LMF1: variants seen among roughly 807,000 people sequenced by gnomAD.
The protein encoded by LMF1 is transmembrane protein 112.
Under a neutral mutation model 60.6 loss-of-function variants are expected in LMF1, and 68 were observed. The observed-to-expected ratio is 1.12, with a 90% CI of 0.92 to 1.37. The LOEUF is 1.37. LMF1 is among the 40% of genes most tolerant of loss of function. LMF1 has a pLI of 0.00. For synonymous variants in LMF1, 418 were observed against 324.7 expected (o/e 1.29, Z -3.09); for missense variants, 948 against 767.2 (o/e 1.24, Z -2.78).
Position 898,730 on chromosome 16 carries a change from C to T in LMF1, c.664-5658G>A, listed in dbSNP as rs1474721500. On this transcript the variant is annotated intron_variant, in intron 4 of 10. Transcript: ENST00000262301. ...GCTGTAGACTCTCAGCCGCCTATCT[C>T]TCTGACGGGATTGGTTTGCCTTCCA... is the stretch of plus-strand genomic sequence containing the variant. Among the ~76,000 whole-genome samples, 3 of 152,390 alleles carry T rather than the reference C, an allele frequency of 2.0e-5. No homozygotes were observed. The East Asian group carries it at 5.8e-4, about 29-fold the overall frequency.
rs372806459 is a variant in LMF1, at chr16:879,779, G to A, written c.730-42C>T. 54 of 1,539,316 alleles carry A rather than the reference G, an allele frequency of 3.5e-5. No homozygotes were observed. The African/African-American group carries it at 4.2e-4, about 12-fold the overall frequency. ...GGCCGTGAGGTGCCTGGCCGATCTC[G>A]GGGGGCGGGGCTAGGGAGAGGCTTG... On this transcript the variant is annotated intron_variant, in intron 5 of 10. Coordinates refer to ENST00000262301, the MANE Select transcript of LMF1 (RefSeq NM_022773.4).
chr16:939,974 T>G (rs1029304796), intron 2 of LMF1, among the ~76,000 whole-genome samples: 2 of 151,940 alleles, frequency 1.3e-5, no homozygotes, highest in Non-Finnish European at 2.9e-5. Context: ...GATCTCGAGG[T>G]GAGGGCGTCC....
At chr16:950,070 C>G (rs1459299342) in intron 2 of LMF1, among the ~76,000 whole-genome samples, 1 of 102,006 alleles carries the variant, frequency 9.8e-6, no homozygotes. Context: ...CAGCCAACGA[C>G]AGAGTCAGAG....
At chr16:856,102 C>A in intron 10 of LMF1, 1 of 379,854 alleles carries the variant, frequency 2.6e-6, no homozygotes. Context: ...TGGGGTCGGG[C>A]CTTTGGAAAA....
In LMF1 at chr16:879,701, G is replaced by T; in HGVS notation, c.766C>A (p.His256Asn). The change falls in exon 6 of 11, where the codon CAC becomes AAC. Residue 256 changes from histidine (H) to asparagine (N), a missense_variant. Physicochemically the swap from His to Asn is moderately conservative, Grantham distance 68 (BLOSUM62 1). Transcript: ENST00000262301. ...PMPNPVAYYL[H>N]HSPWWFHRFE... ...CGATGGAACCACCAGGGTGAGTGGT[G>T]CAGGTAGTACGCCACAGGATTGGGC... The T allele has an allele frequency of 6.2e-7, 1 of 1,602,378 alleles. No homozygotes were observed. The highest frequency in any genetic ancestry group is 8.5e-7 in the Non-Finnish European group (1 of 1,174,930).
chr16:866,274 A>G (rs150997512), intron 10 of LMF1, among the ~76,000 whole-genome samples: 11 of 152,314 alleles, frequency 7.2e-5, no homozygotes, highest in African/African-American at 2.2e-4. Flanking sequence ...AGACAGGGGT[A>G]TTACCTTGCT....
At chr16:981,225 G>A (rs745348992) in exon 1 of LMF1, 9 of 455,228 alleles carry the variant, frequency 2.0e-5, no homozygotes, top group South Asian at 1.1e-4. Context: ...CTGGACCGCA[G>A]GCAGCAGCTG....
intron 3 of LMF1, among the ~76,000 whole-genome samples, chr16:913,790 T>C (rs1204564847): frequency 1.3e-5 from 2 of 152,004 alleles, no homozygotes; most frequent in African/African-American, 2.4e-5. Context: ...AGGCTCTGGA[T>C]GTCAGGTCTG....
intron 2 of LMF1, among the ~76,000 whole-genome samples, chr16:943,706 G>A (rs534546463): frequency 2.5e-5 from 3 of 119,398 alleles, no homozygotes; most frequent in East Asian, 2.4e-4. Context: ...CAGCCTGGGG[G>A]ACAGAATGAG....
intron 3 of LMF1, among the ~76,000 whole-genome samples, chr16:929,806 T>C (rs751501471): frequency 2.0e-5 from 3 of 152,278 alleles, no homozygotes; most frequent in Non-Finnish European, 4.4e-5. Flanking sequence ...AGCGCGGCCC[T>C]GACGAACGCA....
At chr16:885,332 G>C (rs1286401200) in intron 5 of LMF1, among the ~76,000 whole-genome samples, 1 of 152,212 alleles carries the variant, frequency 6.6e-6, no homozygotes, top group African/African-American at 2.4e-5. Context: ...AAAAGGAACA[G>C]AGAACACATG....
At chr16:894,602 C>T (rs1021931770) in intron 4 of LMF1, among the ~76,000 whole-genome samples, 1 of 152,200 alleles carries the variant, frequency 6.6e-6, no homozygotes, top group African/African-American at 2.4e-5. Context: ...TCGTGGCAGA[C>T]GCAGTGGCAC....
chr16:976,395 G>C (rs1167953613), intron 1 of LMF1: 1 of 454,114 alleles, frequency 2.2e-6, no homozygotes, highest in Non-Finnish European at 4.4e-6. Context: ...ACACGGCACA[G>C]CTGTACTGCA....
chr16:943,980 G>C (rs945647585), intron 2 of LMF1, among the ~76,000 whole-genome samples: 1 of 152,150 alleles, frequency 6.6e-6, no homozygotes, highest in Non-Finnish European at 1.5e-5. Context: ...GCTTCCTTTG[G>C]AGAGTGAATG....
intron 6 of LMF1, chr16:872,915 ACCTG>A (rs1271038827): frequency 6.6e-6 from 1 of 152,196 alleles, no homozygotes; most frequent in Non-Finnish European, 1.5e-5. Context: ...AGCCCTGAGC[ACCTG>A]CCTGCCTGGG....
At chr16:957,461 A>C (rs4984621) in intron 1 of LMF1, among the ~76,000 whole-genome samples, 74,609 of 151,976 alleles carry the variant, frequency 0.49, 20,373 homozygotes, top group African/African-American at 0.74. Flanking sequence ...AACTATATGA[A>C]GAGATAGACC....
chr16:866,682 A>G (rs563599187), intron 10 of LMF1, among the ~76,000 whole-genome samples: 42 of 152,178 alleles, frequency 2.8e-4, no homozygotes, highest in African/African-American at 3.4e-4. Flanking sequence ...GGGTGGGGCC[A>G]TGGTTTTTTC....
chr16:931,732 G>A (rs760641204), intron 3 of LMF1: 126 of 1,287,124 alleles, frequency 9.8e-5, no homozygotes, highest in Non-Finnish European at 1.3e-4. Flanking sequence ...GGAGAGCACT[G>A]CCGAAGCTAC....
intron 5 of LMF1, among the ~76,000 whole-genome samples, chr16:886,481 G>A (rs992213964): frequency 1.3e-5 from 2 of 151,682 alleles, no homozygotes; most frequent in African/African-American, 2.4e-5. Context: ...AACCGCGCCC[G>A]GCCAAAACCA....
Sources: gnomAD v4.1 joint callset for allele counts (sites outside exome capture counted in the v4.1 genomes callset) on GRCh38, gnomAD v4.1.1 for gene constraint, MANE v1.5 for transcripts, NCBI Gene and HGNC (gene_info 2026-07-23, HGNC 2026-07-21) for gene names.